SFMBT2: variants seen among roughly 807,000 people sequenced by gnomAD.
SFMBT2 encodes scm-like with four MBT domains protein 2.
Under a neutral mutation model 110.1 loss-of-function variants are expected in SFMBT2, and 38 were observed. The observed-to-expected ratio is 0.35, with a 90% CI of 0.27 to 0.45. The LOEUF (loss-of-function observed/expected upper bound fraction) is 0.45. SFMBT2 is among the 20% of genes least tolerant of loss of function. SFMBT2 has a pLI of 1.00. For missense variants in SFMBT2, 1,011 were observed against 1,094.9 expected (o/e 0.92, Z 1.08); for synonymous variants, 425 against 425.4 (o/e 1.00, Z 0.01).
At chr10:7,384,793 C>T (rs776112285) in intron 1 of SFMBT2, among the ~76,000 whole-genome samples, 4 of 152,136 alleles carry the variant, frequency 2.6e-5, no homozygotes, top group Non-Finnish European at 4.4e-5. Flanking sequence ...CTTCTAAGAG[C>T]AATCCTTCCA....
chr10:7,406,338 C>A, intron 1 of SFMBT2, among the ~76,000 whole-genome samples: 1 of 151,736 alleles, frequency 6.6e-6, no homozygotes, highest in East Asian at 1.9e-4. Context: ...ATTTCCTTTA[C>A]GGACTTCTTA....
chr10:7,339,803 G>A (rs1428842528), intron 4 of SFMBT2, among the ~76,000 whole-genome samples: 1 of 152,312 alleles, frequency 6.6e-6, no homozygotes, highest in Non-Finnish European at 1.5e-5. Flanking sequence ...CTGTCAGAGG[G>A]AAGAAATAAG....
At chr10:7,396,459 C>T (rs191419074) in intron 1 of SFMBT2, among the ~76,000 whole-genome samples, 3 of 152,264 alleles carry the variant, frequency 2.0e-5, no homozygotes, top group South Asian at 2.1e-4. Context: ...ATTTAGAATC[C>T]GGCATCCCAA....
At chr10:7,277,850 A>C (rs1841832549) in intron 6 of SFMBT2, among the ~76,000 whole-genome samples, 1 of 152,268 alleles carries the variant, frequency 6.6e-6, no homozygotes, top group Non-Finnish European at 1.5e-5. Context: ...ACAGTTAAAA[A>C]GCAACAGTAA....
At chr10:7,364,961 A>C (rs1038380033) in intron 4 of SFMBT2, among the ~76,000 whole-genome samples, 2 of 152,254 alleles carry the variant, frequency 1.3e-5, no homozygotes, top group African/African-American at 4.8e-5. Flanking sequence ...ACGACGGATC[A>C]GAAATCATAG....
intron 14 of SFMBT2, among the ~76,000 whole-genome samples, chr10:7,200,081 G>A (rs759384021): frequency 1.3e-5 from 2 of 152,128 alleles, no homozygotes; most frequent in Non-Finnish European, 2.9e-5. Flanking sequence ...AAAAGAAATT[G>A]CCTAATGAGA....
intron 4 of SFMBT2, among the ~76,000 whole-genome samples, chr10:7,360,271 T>C (rs1844672603): frequency 6.6e-6 from 1 of 152,140 alleles, no homozygotes; most frequent in African/African-American, 2.4e-5. Context: ...AATTCGAGAC[T>C]AGCCTGGGCA....
chr10:7,250,536 C>G (rs1840772313), intron 7 of SFMBT2, among the ~76,000 whole-genome samples: 1 of 152,166 alleles, frequency 6.6e-6, no homozygotes, highest in Admixed American at 6.5e-5. Flanking sequence ...GTGAATAATG[C>G]TGCAATGAAT....
intron 4 of SFMBT2, among the ~76,000 whole-genome samples, chr10:7,330,369 G>C (rs915660482): frequency 4.6e-5 from 7 of 152,126 alleles, no homozygotes; most frequent in Non-Finnish European, 1.0e-4. Flanking sequence ...TAACTAATCT[G>C]AATCACATCA....
At chr10:7,315,053 A>AAAGAAAGG (rs1842961672) in intron 4 of SFMBT2, among the ~76,000 whole-genome samples, 1 of 128,826 alleles carries the variant, frequency 7.8e-6, no homozygotes, top group Non-Finnish European at 1.8e-5. Context: ...AGAAAGAAAG[A>AAAGAAAGG]AAGAAAGAAA....
intron 1 of SFMBT2, among the ~76,000 whole-genome samples, chr10:7,393,655 G>T (rs933071160): frequency 1.3e-5 from 2 of 152,168 alleles, no homozygotes; most frequent in African/African-American, 4.8e-5. Context: ...GGAGTAACTG[G>T]CTGACCAAAA....
chr10:7,283,990 T>C lies in SFMBT2; in HGVS notation c.686A>G (p.Tyr229Cys), dbSNP rs1324449206. The C allele has an allele frequency of 8.1e-6, 13 of 1,611,462 alleles. No individual in the cohort carries two copies. The highest frequency in any genetic ancestry group is 2.2e-5 in the South Asian group (2 of 91,032). ...RYVGLEDTES[Y>C]DQWLFYLDYR... Reference sequence around the variant, plus strand: ...ATCCAAGTAAAACAACCACTGGTCATAGGATTCAGTGTCCTCCAATCCCAC... The same window carrying C: ...ATCCAAGTAAAACAACCACTGGTCACAGGATTCAGTGTCCTCCAATCCCAC... The change falls in exon 6 of 21, where the codon TAT becomes TGT. Residue 229 changes from tyrosine (Y) to cysteine (C), a missense_variant. Tyr to Cys is a radical substitution (Grantham distance 194, BLOSUM62 -2). This residue lies in a region of SFMBT2 where 979 missense variants were observed against 1,016.1 expected (regional missense o/e 0.96). Coordinates refer to ENST00000397167, the MANE Select transcript of SFMBT2 (RefSeq NM_001387889.1).
chr10:7,339,725 A>T (rs1247687031), intron 4 of SFMBT2, among the ~76,000 whole-genome samples: 1 of 152,226 alleles, frequency 6.6e-6, no homozygotes, highest in African/African-American at 2.4e-5. Flanking sequence ...AGACAGGCCA[A>T]CTTCGTCATT....
chr10:7,340,811 T>TA (rs71382100), intron 4 of SFMBT2, among the ~76,000 whole-genome samples: 27,638 of 129,112 alleles, frequency 0.21, 3,086 homozygotes, highest in East Asian at 0.33. Flanking sequence ...GTCATTGACT[T>TA]AAAAAAAAAA....
chr10:7,253,511 GTTGTGGGTAAA>G (rs1840884411), intron 7 of SFMBT2, among the ~76,000 whole-genome samples: 1 of 152,194 alleles, frequency 6.6e-6, no homozygotes, highest in Non-Finnish European at 1.5e-5. Context: ...TGTTAGAAGT[GTTGTGGGTAAA>G]AACAGTTCGT....
In SFMBT2 at chr10:7,381,227, C is replaced by T. The variant is rs1251961488; in HGVS notation, c.100+572G>A. On this transcript the variant is annotated intron_variant, in intron 2 of 20. Coordinates refer to ENST00000397167, the MANE Select transcript of SFMBT2 (RefSeq NM_001387889.1). ...ATCCGCATGACCTCACTTCCTTCCA[C>T]ACTGTATGCTTTTCTGACAGATGTG... Among the ~76,000 whole-genome samples the T allele has an allele frequency of 2.0e-5, 3 of 152,200 alleles. No homozygotes were observed. The East Asian group carries it at 5.8e-4, about 29-fold the overall frequency.
chr10:7,237,723 T>TTA (rs1253411058), intron 9 of SFMBT2, among the ~76,000 whole-genome samples: 1 of 152,164 alleles, frequency 6.6e-6, no homozygotes, highest in Non-Finnish European at 1.5e-5. Flanking sequence ...ATCTTTCATT[T>TTA]TAGTGGGGGA....
At chr10:7,187,129 C>T (rs749310977) in intron 16 of SFMBT2, among the ~76,000 whole-genome samples, 10 of 152,154 alleles carry the variant, frequency 6.6e-5, no homozygotes, top group East Asian at 3.9e-4. Flanking sequence ...CACTGTGGAG[C>T]GGGAGCGAGT....
rs771177473 is a variant in SFMBT2, at chr10:7,370,308, A to C, written c.168T>G (p.Ser56Arg). The C allele has an allele frequency of 6.2e-7, 1 of 1,614,006 alleles. No homozygotes were observed. Among genetic ancestry groups the C allele is most frequent in the South Asian group, 1.1e-5 (1 of 91,080 alleles). ...WGEYLEETGASAAPHTSFKHV... is the reference protein window; with the variant it reads ...WGEYLEETGARAAPHTSFKHV... ...GTTTGAATGATGTGTGGGGAGCAGC[A>C]CTTGCTCCTGTCTCTTCCAAATATT... Residue 56 changes from serine (S) to arginine (R), a missense_variant, in exon 3 of 21, where the codon AGT (serine) becomes AGG (arginine). Ser to Arg is a moderately radical substitution (Grantham distance 110, BLOSUM62 -1). Transcript: ENST00000397167.
Sources: allele counts gnomAD v4.1 joint callset (sites outside exome capture counted in the v4.1 genomes callset), GRCh38; gene constraint gnomAD v4.1.1; regional missense constraint gnomAD v4.1.1; transcripts MANE v1.5; gene names NCBI Gene and HGNC (gene_info 2026-07-23, HGNC 2026-07-21).